NUMB: variants seen among roughly 807,000 people sequenced by gnomAD.
The protein encoded by NUMB is protein numb homolog.
Under a neutral mutation model 59.7 loss-of-function variants are expected in NUMB, and 29 were observed. That is an observed-to-expected ratio of 0.49 (90% confidence interval 0.36 to 0.66). The LOEUF (loss-of-function observed/expected upper bound fraction) is 0.66, where lower values mean the gene tolerates loss of function less well. NUMB is among the 30% of genes least tolerant of loss of function. The pLI is 0.00. For missense variants in NUMB, 723 were observed against 822.0 expected, an observed-to-expected ratio of 0.88 and a Z score of 1.47; for synonymous variants, 288 against 288.2, an observed-to-expected ratio of 1.00 and a Z score of 0.01.
At chr14:73,279,131 T>C in intron 12 of NUMB, 150 bp downstream of exon 12, 1 of 826,064 alleles carries the variant, frequency 1.2e-6, no homozygotes, top group Non-Finnish European at 1.9e-6. Flanking sequence ...TTCACCATCC[T>C]TTCTTATGTA....
rs12589629 is a variant in NUMB, at chr14:73,296,121, A to G, written c.309+1090T>C. On this transcript the variant is annotated intron_variant, in intron 7 of 12. Transcript: ENST00000555238. ...TATCATCTATTGTATCAAATTTGTG[A>G]GAGTGGAAACTTATTAAAAAATATA... Among the ~76,000 whole-genome samples, 2,794 of 152,270 alleles carry G rather than the reference A, an allele frequency of 0.018. 220 individuals carry two copies. In the East Asian group the frequency reaches 0.26, roughly 14 times the overall value.
intron 6 of NUMB, among the ~76,000 whole-genome samples, chr14:73,307,342 A>AGTGT (rs1266402070): frequency 6.8e-6 from 1 of 147,864 alleles, no homozygotes; most frequent in Non-Finnish European, 1.5e-5. Flanking sequence ...AGGAATTGGG[A>AGTGT]GTGTGTGTGT....
chr14:73,390,608 G>A (rs968788617), intron 2 of NUMB, among the ~76,000 whole-genome samples: 5 of 127,916 alleles, frequency 3.9e-5, no homozygotes, highest in Non-Finnish European at 8.2e-5. Flanking sequence ...TTATTTATAA[G>A]ACTGATTTCC....
At chr14:73,403,766 G>A (rs1896525489) in intron 2 of NUMB, among the ~76,000 whole-genome samples, 1 of 151,822 alleles carries the variant, frequency 6.6e-6, no homozygotes, top group African/African-American at 2.4e-5. Flanking sequence ...GACCAACCTG[G>A]CCAACATGGC....
At chr14:73,279,143 G>T in intron 12 of NUMB, 138 bp downstream of exon 12, 1 of 902,912 alleles carries the variant, frequency 1.1e-6, no homozygotes, top group Non-Finnish European at 1.7e-6. Context: ...TCTTATGTAA[G>T]CAACTTATTT....
intron 4 of NUMB, 29 bp from the exon 5 acceptor site, chr14:73,323,233 T>C (rs367702381): frequency 3.4e-6 from 5 of 1,486,614 alleles, no homozygotes; most frequent in Admixed American, 1.7e-5. Flanking sequence ...GTTAGGGCTA[T>C]TGCTATGTTT....
At chr14:73,310,629 T>A (rs1330116860) in intron 6 of NUMB, among the ~76,000 whole-genome samples, 1 of 152,232 alleles carries the variant, frequency 6.6e-6, no homozygotes, top group Non-Finnish European at 1.5e-5. Flanking sequence ...ATTAGCTGGG[T>A]GAACTCTCTG....
At chr14:73,427,704 AT>A (rs1595027617) in intron 1 of NUMB, among the ~76,000 whole-genome samples, 1 of 152,148 alleles carries the variant, frequency 6.6e-6, no homozygotes, top group East Asian at 1.9e-4. Context: ...CTTGAATAAC[AT>A]TCCAATCTCC....
intron 1 of NUMB, among the ~76,000 whole-genome samples, chr14:73,451,571 T>C (rs574654781): frequency 6.6e-6 from 1 of 150,418 alleles, no homozygotes; most frequent in Non-Finnish European, 1.5e-5. Flanking sequence ...GCCGAGATTG[T>C]GCCACTGCAC....
At chr14:73,377,290 G>C (rs938292569) in intron 2 of NUMB, among the ~76,000 whole-genome samples, 1 of 152,190 alleles carries the variant, frequency 6.6e-6, no homozygotes, top group African/African-American at 2.4e-5. Context: ...AAGAGAATGA[G>C]AAGACAGGCA....
intron 2 of NUMB, among the ~76,000 whole-genome samples, chr14:73,404,659 G>A (rs749035836): frequency 5.3e-5 from 8 of 152,086 alleles, no homozygotes; most frequent in Non-Finnish European, 7.4e-5. Context: ...TGGTGTTAAT[G>A]TTAATTTCCT....
In NUMB at chr14:73,376,038, G is replaced by A. The variant is rs186290866; in HGVS notation, c.-100-9057C>T. Reference sequence around the variant, plus strand: ...TCTCCTCCCATCATTCCTTTTCAACGTCATACTGGAAGTCCTAATGCAATA... The same window carrying A: ...TCTCCTCCCATCATTCCTTTTCAACATCATACTGGAAGTCCTAATGCAATA... On this transcript the variant is annotated intron_variant, in intron 2 of 12. Transcript: ENST00000555238. 4.6e-5 allele frequency among the ~76,000 whole-genome samples: 7 copies of A among 152,166 alleles called. No homozygotes were observed. In the East Asian group the frequency reaches 5.8e-4, roughly 13 times the overall value.
At chr14:73,347,733 G>A (rs1892992545) in intron 4 of NUMB, among the ~76,000 whole-genome samples, 1 of 151,952 alleles carries the variant, frequency 6.6e-6, no homozygotes, top group African/African-American at 2.4e-5. Context: ...GATCTCTTTG[G>A]CAATTCACTC....
chr14:73,405,357 T>C (rs1389825764), intron 2 of NUMB, among the ~76,000 whole-genome samples: 1 of 151,690 alleles, frequency 6.6e-6, no homozygotes, highest in Non-Finnish European at 1.5e-5. Flanking sequence ...ACCCTCTAGC[T>C]CTGGCTCAAG....
chr14:73,390,101 GCTATA>G (rs1281444241), intron 2 of NUMB, among the ~76,000 whole-genome samples: 1 of 152,058 alleles, frequency 6.6e-6, no homozygotes, highest in Non-Finnish European at 1.5e-5. Flanking sequence ...ATTTCTAGGG[GCTATA>G]CTAAGGGCAT....
At chr14:73,288,174 G>A (rs1889139054) in intron 8 of NUMB, among the ~76,000 whole-genome samples, 1 of 152,206 alleles carries the variant, frequency 6.6e-6, no homozygotes, top group African/African-American at 2.4e-5. Context: ...AGCACTTTGG[G>A]AGGCTGAGAT....
chr14:73,368,180 A>T (rs1189714242), intron 2 of NUMB, among the ~76,000 whole-genome samples: 5 of 152,216 alleles, frequency 3.3e-5, no homozygotes, highest in Non-Finnish European at 5.9e-5. Context: ...AAAAACGGAA[A>T]GTGGTCACAG....
At chr14:73,308,640 A>C (rs1566736795) in intron 6 of NUMB, among the ~76,000 whole-genome samples, 1 of 152,208 alleles carries the variant, frequency 6.6e-6, no homozygotes, top group Non-Finnish European at 1.5e-5. Context: ...TATGGAGTTC[A>C]GGGGAGATGT....
intron 2 of NUMB, among the ~76,000 whole-genome samples, chr14:73,370,786 C>CT (rs1894635225): frequency 6.6e-6 from 1 of 151,794 alleles, no homozygotes. Flanking sequence ...ACTTTACTTT[C>CT]TTTAAATAAT....
Sources: allele counts gnomAD v4.1 joint callset (sites outside exome capture counted in the v4.1 genomes callset), GRCh38; gene constraint gnomAD v4.1.1; transcripts MANE v1.5; gene names NCBI Gene and HGNC (gene_info 2026-07-23, HGNC 2026-07-21).